The following ALDH4A1 variants were observed in gnomAD, a reference collection of about 807,000 sequenced individuals.
ALDH4A1 encodes the protein aldehyde dehydrogenase 4 family member A1, also known as delta-1-pyrroline-5-carboxylate dehydrogenase, mitochondrial.
A neutral mutation model predicts 70.5 loss-of-function variants in ALDH4A1; 46 were observed. The ratio of observed to expected loss-of-function variants is 0.65; its 90% confidence interval spans 0.51 to 0.83. The LOEUF is 0.83. Ranked by LOEUF, ALDH4A1 falls within the 40% of genes least tolerant of loss-of-function variation. ALDH4A1 has a pLI of 0.00. For missense variants in ALDH4A1, 749 were observed against 766.5 expected (o/e 0.98, Z 0.27); for synonymous variants, 323 against 324.3 (o/e 1.00, Z 0.04).
At chr1:18,885,692 G>A (rs1419312877) in intron 4 of ALDH4A1, 64 bp from the exon 5 acceptor site, 23 of 1,605,728 alleles carry the variant, frequency 1.4e-5, no homozygotes, top group Admixed American at 1.3e-4. Context: ...GGGAGTGAGC[G>A]AGGGAGGAGA....
At position 18,876,372 on chromosome 1, in the gene ALDH4A1, G is replaced by T; in HGVS notation, c.1281C>A (p.Tyr427Ter). Residue 427 changes from tyrosine (Y) to a stop codon, truncating the protein, a stop_gained, in exon 12 of 15, where the codon TAC (tyrosine) becomes TAA (stop). Transcript: ENST00000375341. LOFTEE classifies it high-confidence loss of function. ...AGGKCDDSVG[Y>*]FVEPCIVESK... Reference sequence around the variant, plus strand: ...TCTCCACGATGCAGGGCTCCACAAAGTAGCCCACGGAGTCATCACACTTGC... The same window carrying T: ...TCTCCACGATGCAGGGCTCCACAAATTAGCCCACGGAGTCATCACACTTGC... 1 of 1,613,894 alleles carries T rather than the reference G, an allele frequency of 6.2e-7. No homozygotes were observed. The highest frequency in any genetic ancestry group is 1.1e-5 in the South Asian group (1 of 91,082).
Position 18,898,808 on chromosome 1 carries a change from G to A in ALDH4A1, c.62+3654C>T, listed in dbSNP as rs1320664113. Among the ~76,000 whole-genome samples the A allele has an allele frequency of 2.6e-5, 4 of 152,228 alleles. No homozygotes were observed. The highest frequency in any genetic ancestry group is 6.5e-5 in the Admixed American group (1 of 15,290). On this transcript the variant is annotated intron_variant, in intron 1 of 14. Coordinates refer to ENST00000375341, the MANE Select transcript of ALDH4A1 (RefSeq NM_003748.4). This position sits in a 1 kb window ranked among gnomAD's most constrained non-coding sequence, Gnocchi z 4.3. ...CCTACTGTGTGCCGGGCCAGATGCA[G>A]GGCACAGGAGGCAGGCTGCTCCCAG...
chr1:18,879,342 G>A lies in ALDH4A1; in HGVS notation c.898C>T (p.Gln300Ter), dbSNP rs756921102. The change falls in exon 9 of 15, where the codon CAG becomes TAG. Residue 300 changes from glutamine (Q) to a stop codon, truncating the protein, a stop_gained. Coordinates refer to ENST00000375341, the MANE Select transcript of ALDH4A1 (RefSeq NM_003748.4). LOFTEE classifies it high-confidence loss of function. Reference sequence around the variant, plus strand: ...AAGGTGTGGAACCGGTCCAGGTTCTGGGCCACCTGCTTCCACAGGTGTTTG... The same window carrying A: ...AAGGTGTGGAACCGGTCCAGGTTCTAGGCCACCTGCTTCCACAGGTGTTTG... ...TFKHLWKQVA[Q>*]NLDRFHTFPR... 1.9e-6 allele frequency: 3 copies of A among 1,611,572 alleles called. No homozygotes were observed. Among genetic ancestry groups the A allele is most frequent in the Admixed American group, 1.7e-5 (1 of 59,706 alleles).
intron 5 of ALDH4A1, among the ~76,000 whole-genome samples, chr1:18,884,556 G>A (rs1183223646): frequency 6.6e-6 from 1 of 152,082 alleles, no homozygotes; most frequent in Non-Finnish European, 1.5e-5. Context: ...GAGCTGTCAT[G>A]CCAGCTCTGT....
chr1:18,901,596 C>T (rs1444330541), intron 1 of ALDH4A1, among the ~76,000 whole-genome samples: 1 of 152,188 alleles, frequency 6.6e-6, no homozygotes. Flanking sequence ...CACCTGGCTC[C>T]ACAATGTCAG....
intron 12 of ALDH4A1, 149 bp downstream of exon 12, chr1:18,876,166 A>ACC: frequency 9.2e-7 from 1 of 1,085,246 alleles, no homozygotes; most frequent in Non-Finnish European, 1.3e-6. Context: ...ACCTGGCTCT[A>ACC]CTCTCTCCCG....
Position 18,886,459 on chromosome 1 carries a change from C to T in ALDH4A1, c.297+5G>A. 1 of 1,614,156 alleles carries T rather than the reference C, an allele frequency of 6.2e-7. No individual in the cohort carries two copies. The highest frequency in any genetic ancestry group is 8.5e-7 in the Non-Finnish European group (1 of 1,180,004). The stretch of plus-strand genomic sequence containing the variant: ...CCGGGTCACCAGGCACACAGGCTCA[C>T]TCACCTTGTCTGCATAACAGAACTT... On this transcript the variant is annotated splice_donor_5th_base_variant and intron_variant, in intron 4 of 14. Transcript: ENST00000375341.
In ALDH4A1 at chr1:18,875,500, TCTC is replaced by T; in HGVS notation, c.1339_1341del (p.Glu447del). On this transcript the variant is annotated inframe_deletion and splice_region_variant, in exon 13 of 15. Coordinates refer to ENST00000375341, the MANE Select transcript of ALDH4A1 (RefSeq NM_003748.4). ...TACACAGACAGTACAGGCCCGAAGA[TCTC>T]CTAGGAGAGAGGCCCCGGCGTCAGA... 6.2e-7 allele frequency: 1 copy of T among 1,613,868 alleles called. No homozygotes were observed. Among genetic ancestry groups the T allele is most frequent in the Non-Finnish European group, 8.5e-7 (1 of 1,179,950 alleles).
In ALDH4A1 at chr1:18,890,124, G is replaced by A. The variant is rs573209477; in HGVS notation, c.63-19C>T. On this transcript the variant is annotated intron_variant, in intron 1 of 14. Coordinates refer to ENST00000375341, the MANE Select transcript of ALDH4A1 (RefSeq NM_003748.4). Reference sequence around the variant, plus strand: ...CCGCAGGCTGGAACACAAGGGCAGGGGACAGAGGCAGAGAGGTCAGCAGCG... The same window carrying A: ...CCGCAGGCTGGAACACAAGGGCAGGAGACAGAGGCAGAGAGGTCAGCAGCG... The A allele has an allele frequency of 1.9e-5, 31 of 1,597,968 alleles. No individual in the cohort carries two copies. In the East Asian group the frequency reaches 6.1e-4, roughly 31 times the overall value.
At chr1:18,887,656 C>T (rs769457145) in intron 3 of ALDH4A1, among the ~76,000 whole-genome samples, 4 of 152,158 alleles carry the variant, frequency 2.6e-5, no homozygotes, top group Admixed American at 1.3e-4. Context: ...AGGAACACCA[C>T]GATGACATCC....
intron 7 of ALDH4A1, among the ~76,000 whole-genome samples, chr1:18,882,147 G>C (rs1935002022): frequency 6.6e-6 from 1 of 152,176 alleles, no homozygotes; most frequent in South Asian, 2.1e-4. Context: ...GCACCAACCG[G>C]TCCTGCCATC....
chr1:18,891,452 C>T (rs995252437), intron 1 of ALDH4A1, among the ~76,000 whole-genome samples: 4 of 152,142 alleles, frequency 2.6e-5, no homozygotes, highest in African/African-American at 7.2e-5. Context: ...CCAGACAACC[C>T]GAACAGCTGG....
intron 1 of ALDH4A1, 116 bp downstream of exon 1, chr1:18,902,346 G>T: frequency 1.1e-6 from 1 of 883,770 alleles, no homozygotes; most frequent in Non-Finnish European, 1.5e-6. Context: ...GGCGTTGACC[G>T]AGGCAGCTTG....
At chr1:18,893,285 G>A (rs1296278944) in intron 1 of ALDH4A1, among the ~76,000 whole-genome samples, 3 of 152,116 alleles carry the variant, frequency 2.0e-5, no homozygotes, top group African/African-American at 7.2e-5. Flanking sequence ...CAATACTACC[G>A]AAAAGAGAAA....
chr1:18,882,363 T>C (rs1241489542), intron 7 of ALDH4A1, among the ~76,000 whole-genome samples: 1 of 152,132 alleles, frequency 6.6e-6, no homozygotes, highest in Non-Finnish European at 1.5e-5. Flanking sequence ...CACTCCGGCA[T>C]CAGCATCCAG....
chr1:18,883,647 G>T (rs965539425), intron 5 of ALDH4A1, among the ~76,000 whole-genome samples: 1 of 152,234 alleles, frequency 6.6e-6, no homozygotes, highest in South Asian at 2.1e-4. Context: ...TGGGCTGGAC[G>T]GGGATCAGAA....
intron 14 of ALDH4A1, 146 bp from the exon 15 acceptor site, chr1:18,873,103 A>T: frequency 1.4e-6 from 1 of 720,466 alleles, no homozygotes; most frequent in Non-Finnish European, 2.5e-6. Flanking sequence ...CAGAAGAGCC[A>T]GAGGGATGGA....
Position 18,877,561 on chromosome 1 carries a change from C to A in ALDH4A1, c.992G>T (p.Ser331Ile). 1 of 1,612,012 alleles carries A rather than the reference C, an allele frequency of 6.2e-7. No individual in the cohort carries two copies. The highest frequency in any genetic ancestry group is 8.5e-7 in the Non-Finnish European group (1 of 1,179,744). Reference sequence around the variant, plus strand: ...TGAGCGGAGGGTCCCGCTCACCACGCTCTCCACGTCGGCCGAGCGGTGCAC... The same window carrying A: ...TGAGCGGAGGGTCCCGCTCACCACGATCTCCACGTCGGCCGAGCGGTGCAC... Reference protein sequence around the residue: ...HFVHRSADVESVVSGTLRSAF... With the variant: ...HFVHRSADVEIVVSGTLRSAF... The change falls in exon 10 of 15, where the codon AGC (serine) becomes ATC (isoleucine). Residue 331 changes from serine (S) to isoleucine (I), a missense_variant. Transcript: ENST00000375341.
intron 12 of ALDH4A1, among the ~76,000 whole-genome samples, 179 bp from the exon 13 acceptor site, chr1:18,875,682 G>A (rs41273173): frequency 0.1 from 15,854 of 152,078 alleles, 1,161 homozygotes; most frequent in Non-Finnish European, 0.15. Context: ...GGACAGCAAC[G>A]TGCCCAGCTC....
Sources: allele counts gnomAD v4.1 joint callset (sites outside exome capture counted in the v4.1 genomes callset), GRCh38; gene constraint gnomAD v4.1.1; non-coding constraint Gnocchi (gnomAD v3.1); transcripts MANE v1.5; gene names NCBI Gene and HGNC (gene_info 2026-07-23, HGNC 2026-07-21).